The following DOCK3 variants were observed in gnomAD, a reference collection of about 807,000 sequenced individuals.
The protein encoded by DOCK3 is dedicator of cytokinesis 3, also known as dedicator of cytokinesis protein 3.
Under a neutral mutation model 265.6 loss-of-function variants are expected in DOCK3, and 60 were observed. The observed-to-expected ratio is 0.23, with a 90% CI of 0.18 to 0.28. The LOEUF (loss-of-function observed/expected upper bound fraction) is 0.28, where lower values mean the gene tolerates loss of function less well. Ranked by LOEUF, DOCK3 falls within the 10% of genes least tolerant of loss-of-function variation. DOCK3 has a pLI of 1.00. For missense variants in DOCK3, 1,981 were observed against 2,594.3 expected (o/e 0.76, Z 5.14); for synonymous variants, 881 against 938.0 (o/e 0.94, Z 1.11).
At chr3:51,016,976 A>G (rs201573491) in intron 5 of DOCK3, among the ~76,000 whole-genome samples, 1 of 18,612 alleles carries the variant, frequency 5.4e-5, no homozygotes, top group East Asian at 2.5e-3. Flanking sequence ...ATATATAAAT[A>G]AATGGTAAAA....
chr3:51,143,419 G>A (rs530095768), intron 9 of DOCK3, among the ~76,000 whole-genome samples: 6 of 151,474 alleles, frequency 4.0e-5, no homozygotes, highest in South Asian at 4.2e-4. Context: ...ACAGGCACCC[G>A]CCACTATGCC....
intron 40 of DOCK3, among the ~76,000 whole-genome samples, chr3:51,351,924 T>C (rs1306321141): frequency 1.3e-5 from 2 of 152,210 alleles, no homozygotes; most frequent in South Asian, 2.1e-4. Flanking sequence ...CCCAAAGTGC[T>C]GGGATTACAG....
intron 21 of DOCK3, 76 bp downstream of exon 21, chr3:51,237,666 C>A (rs1217525551): frequency 2.3e-6 from 3 of 1,291,844 alleles, no homozygotes; most frequent in Admixed American, 2.3e-5. Context: ...TTAGCTGCAA[C>A]CAGCATTTAA....
intron 52 of DOCK3, 127 bp from the exon 53 acceptor site, chr3:51,380,923 G>A: frequency 8.0e-7 from 1 of 1,253,548 alleles, no homozygotes; most frequent in Non-Finnish European, 1.1e-6. Flanking sequence ...TGCTGCTGAA[G>A]AAACAAGAAA....
chr3:50,983,873 C>A (rs926844563), intron 5 of DOCK3, among the ~76,000 whole-genome samples: 1 of 152,154 alleles, frequency 6.6e-6, no homozygotes, highest in Non-Finnish European at 1.5e-5. Flanking sequence ...TGGGGTATGA[C>A]TCGAGCCAGG....
intron 5 of DOCK3, among the ~76,000 whole-genome samples, chr3:50,948,556 CTTTTCTTTTCTTTTCTCTTCT>C (rs1448056986): frequency 2.0e-4 from 30 of 151,668 alleles, no homozygotes; most frequent in South Asian, 1.2e-3. Context: ...AAACCCGGCT[CTTTTCTTTTCTTTTCTCTTCT>C]TTTTCTTTTC....
chr3:51,190,076 C>T (rs182495822), intron 12 of DOCK3, among the ~76,000 whole-genome samples: 15 of 152,286 alleles, frequency 9.8e-5, no homozygotes, highest in Admixed American at 9.2e-4. Context: ...AAGCCCAGCA[C>T]TTCAACTATG....
At chr3:51,033,982 A>T (rs971031117) in intron 5 of DOCK3, among the ~76,000 whole-genome samples, 1 of 152,152 alleles carries the variant, frequency 6.6e-6, no homozygotes, top group African/African-American at 2.4e-5. Flanking sequence ...AGTTTTACAG[A>T]ATTCAGGTTG....
chr3:51,178,008 C>CAA (rs59962649), intron 12 of DOCK3, among the ~76,000 whole-genome samples: 75 of 138,104 alleles, frequency 5.4e-4, no homozygotes, highest in Non-Finnish European at 6.7e-4. Context: ...AAAAAACAAA[C>CAA]AAAAAAAAAC....
chr3:51,202,407 A>G (rs913415379), intron 12 of DOCK3, among the ~76,000 whole-genome samples: 121 of 151,882 alleles, frequency 8.0e-4, no homozygotes, highest in Admixed American at 3.1e-3. Flanking sequence ...CAAATAAACT[A>G]GAAAATCTAG....
rs372125662 is a variant in DOCK3, at chr3:51,240,678, G to A, written c.2102+3088G>A. On this transcript the variant is annotated intron_variant, in intron 21 of 52. Transcript: ENST00000266037. ...TTCTTGTTGAACTCTTCAACATTAT[G>A]TAATACCCTTCTTTGTCTTTTGCAG... Among the ~76,000 whole-genome samples the A allele has an allele frequency of 1.1e-4, 17 of 152,264 alleles. No individual in the cohort carries two copies. The East Asian group carries it at 1.9e-3, about 17-fold the overall frequency.
chr3:50,804,557 C>A (rs547933574), intron 2 of DOCK3, among the ~76,000 whole-genome samples: 1 of 152,126 alleles, frequency 6.6e-6, no homozygotes, highest in Non-Finnish European at 1.5e-5. Flanking sequence ...GCTAACACGG[C>A]GAAACCCCAT....
chr3:50,876,625 T>C (rs1421438593), intron 3 of DOCK3: 1 of 152,396 alleles, frequency 6.6e-6, no homozygotes, highest in Non-Finnish European at 1.5e-5. Context: ...GTTTGTATTA[T>C]TGTAACATTT....
intron 9 of DOCK3, among the ~76,000 whole-genome samples, chr3:51,105,560 C>A (rs1201143166): frequency 2.0e-5 from 3 of 152,052 alleles, no homozygotes; most frequent in Non-Finnish European, 4.4e-5. Context: ...TACATTGTAT[C>A]TATATATAAT....
intron 50 of DOCK3, 124 bp from the exon 51 acceptor site, chr3:51,375,624 T>G (rs1170294442): frequency 1.3e-5 from 14 of 1,049,074 alleles, no homozygotes; most frequent in Non-Finnish European, 2.0e-5. Flanking sequence ...AAGTGTGAGC[T>G]GTGCCACTGC....
intron 1 of DOCK3, among the ~76,000 whole-genome samples, chr3:50,702,004 G>A (rs772856089): frequency 8.5e-5 from 13 of 152,084 alleles, no homozygotes; most frequent in Non-Finnish European, 1.6e-4. Flanking sequence ...ATATTGTGAT[G>A]CCTCTAGCTT....
At chr3:50,989,834 A>G (rs375375308) in intron 5 of DOCK3, among the ~76,000 whole-genome samples, 1 of 152,238 alleles carries the variant, frequency 6.6e-6, no homozygotes, top group African/African-American at 2.4e-5. Context: ...TAGAATTTGA[A>G]TATGGATAGG....
In DOCK3 at chr3:50,784,546, G is replaced by A. The variant is rs560024858; in HGVS notation, c.121+5788G>A. Among the ~76,000 whole-genome samples, 24 of 152,274 alleles carry A rather than the reference G, an allele frequency of 1.6e-4. 1 individual carries two copies. The South Asian group carries it at 4.8e-3, about 30-fold the overall frequency. On this transcript the variant is annotated intron_variant, in intron 2 of 52. Transcript: ENST00000266037. ...GATTTGTTTTTTCTAGTTCTGTGAA[G>A]AATGATGGTGATATTTTGATGGGAA... is the stretch of plus-strand genomic sequence containing the variant.
intron 5 of DOCK3, among the ~76,000 whole-genome samples, chr3:51,031,979 A>G (rs2080067640): frequency 6.6e-6 from 1 of 152,186 alleles, no homozygotes; most frequent in Admixed American, 6.5e-5. Flanking sequence ...GAATTGTGAA[A>G]AATAGATTTT....
Sources: gnomAD v4.1 joint callset for allele counts (sites outside exome capture counted in the v4.1 genomes callset) on GRCh38, gnomAD v4.1.1 for gene constraint, MANE v1.5 for transcripts, NCBI Gene and HGNC (gene_info 2026-07-23, HGNC 2026-07-21) for gene names.